The following ITPR2 variants were observed in gnomAD, a reference collection of about 807,000 sequenced individuals.
ITPR2 encodes inositol 1,4,5-trisphosphate receptor type 2.
In ITPR2, 207 loss-of-function variants were observed where a neutral mutation model predicts 317.1. The ratio of observed to expected loss-of-function variants is 0.65; its 90% CI spans 0.58 to 0.73. The LOEUF (loss-of-function observed/expected upper bound fraction) is 0.73, where lower values mean the gene tolerates loss of function less well. Ranked by LOEUF, ITPR2 falls within the 30% of genes least tolerant of loss-of-function variation. The pLI, the probability that ITPR2 is intolerant of heterozygous loss-of-function variation, is 0.00. For synonymous variants in ITPR2, 1,156 were observed against 1,149.1 expected, an observed-to-expected ratio of 1.01 and a Z score of -0.12; for missense variants, 2,613 against 3,284.0, an observed-to-expected ratio of 0.80 and a Z score of 4.99.
chr12:26,454,421 G>A (rs892964588), intron 45 of ITPR2, among the ~76,000 whole-genome samples: 1 of 152,114 alleles, frequency 6.6e-6, no homozygotes, highest in Non-Finnish European at 1.5e-5. Context: ...GGCCAGGATG[G>A]TCTCGAGATC....
At chr12:26,728,507 T>A (rs1948973447) in intron 2 of ITPR2, among the ~76,000 whole-genome samples, 1 of 152,214 alleles carries the variant, frequency 6.6e-6, no homozygotes, top group African/African-American at 2.4e-5. Flanking sequence ...GCATGGGAAC[T>A]AATCTTGCAG....
At chr12:26,823,832 A>G (rs1454238791) in intron 1 of ITPR2, among the ~76,000 whole-genome samples, 4 of 151,904 alleles carry the variant, frequency 2.6e-5, no homozygotes, top group Non-Finnish European at 5.9e-5. Context: ...TTAAATTTCA[A>G]TTACACACAC....
chr12:26,666,067 AAGGAAATT>A lies in ITPR2; in HGVS notation c.1410-24_1410-17del. ...GGTTACAAACCTATTACAAAATGAAAAGGAAATTTTACTTTACAGTGTGCTTAATTTTG... is the reference window on the plus strand; with the variant it reads ...GGTTACAAACCTATTACAAAATGAAATTACTTTACAGTGTGCTTAATTTTG... On this transcript the variant is annotated splice_polypyrimidine_tract_variant and intron_variant, in intron 13 of 56. Transcript: ENST00000381340. 1.2e-6 allele frequency: 2 copies of A among 1,603,162 alleles called. No homozygotes were observed. The highest frequency in any genetic ancestry group is 1.7e-6 in the Non-Finnish European group (2 of 1,175,534).
At chr12:26,416,419 A>G (rs59819193) in intron 50 of ITPR2, among the ~76,000 whole-genome samples, 9 of 152,142 alleles carry the variant, frequency 5.9e-5, no homozygotes, top group Non-Finnish European at 1.0e-4. Context: ...GTATTTTTAA[A>G]ATTGGAATAA....
At chr12:26,632,245 A>C (rs2136835805) in intron 21 of ITPR2, among the ~76,000 whole-genome samples, 186 bp from the exon 22 acceptor site, 1 of 152,342 alleles carries the variant, frequency 6.6e-6, no homozygotes, top group Non-Finnish European at 1.5e-5. Context: ...GACATGTTTC[A>C]AAATGACAAC....
Position 26,833,073 on chromosome 12 carries a change from C to A in ITPR2, c.-292G>T. ...TCCCCGGCAGGTTTCCTGTTCCTTTCTGAAGTTTTCTCTCCAACACCTTTG... is the reference window on the plus strand; with the variant it reads ...TCCCCGGCAGGTTTCCTGTTCCTTTATGAAGTTTTCTCTCCAACACCTTTG... On this transcript the variant is annotated 5_prime_UTR_variant, in exon 1 of 57. Coordinates refer to ENST00000381340, the MANE Select transcript of ITPR2 (RefSeq NM_002223.4). 2.5e-6 allele frequency: 1 copy of A among 399,734 alleles called. No individual in the cohort carries two copies. Among genetic ancestry groups the A allele is most frequent in the Non-Finnish European group, 4.4e-6 (1 of 225,816 alleles). 24.8% of individuals were successfully genotyped at this position (399,734 alleles called of 1,614,324 possible).
At chr12:26,605,808 C>A (rs1946116801) in intron 26 of ITPR2, among the ~76,000 whole-genome samples, 1 of 152,122 alleles carries the variant, frequency 6.6e-6, no homozygotes, top group South Asian at 2.1e-4. Flanking sequence ...TTGGAAAATT[C>A]AACAAACAAC....
intron 52 of ITPR2, among the ~76,000 whole-genome samples, chr12:26,409,974 T>G (rs184508440): frequency 2.6e-5 from 4 of 152,304 alleles, no homozygotes; most frequent in African/African-American, 9.6e-5. Flanking sequence ...GTTTATGACA[T>G]GACAGCTGAA....
intron 1 of ITPR2, among the ~76,000 whole-genome samples, chr12:26,821,091 A>G (rs749803346): frequency 5.3e-5 from 8 of 152,216 alleles, no homozygotes; most frequent in Admixed American, 2.0e-4. Flanking sequence ...AATGTCCTTA[A>G]TATCACTGAA....
At chr12:26,351,999 T>A (rs1479855224) in intron 55 of ITPR2, among the ~76,000 whole-genome samples, 1 of 152,140 alleles carries the variant, frequency 6.6e-6, no homozygotes, top group Non-Finnish European at 1.5e-5. Flanking sequence ...TGGAATAGGG[T>A]ATTGAATACT....
At chr12:26,767,967 T>C (rs963458148) in intron 2 of ITPR2, among the ~76,000 whole-genome samples, 1 of 152,194 alleles carries the variant, frequency 6.6e-6, no homozygotes, top group East Asian at 1.9e-4. Flanking sequence ...AAATAGGCTT[T>C]CTCTTGCTCC....
chr12:26,552,629 A>G (rs1404883958), intron 36 of ITPR2, among the ~76,000 whole-genome samples: 2 of 152,206 alleles, frequency 1.3e-5, no homozygotes, highest in Admixed American at 1.3e-4. Context: ...AAGAATTTCA[A>G]AAGTTCTCCT....
intron 2 of ITPR2, among the ~76,000 whole-genome samples, chr12:26,760,023 C>T (rs1447106880): frequency 6.6e-6 from 1 of 152,190 alleles, no homozygotes; most frequent in Non-Finnish European, 1.5e-5. Flanking sequence ...ATATAAAATG[C>T]TATAGTATTT....
At chr12:26,348,544 G>A (rs1218967633) in intron 55 of ITPR2, among the ~76,000 whole-genome samples, 1 of 152,316 alleles carries the variant, frequency 6.6e-6, no homozygotes, top group East Asian at 1.9e-4. Context: ...TACTGCTCAA[G>A]GTGGGCAACA....
intron 45 of ITPR2, among the ~76,000 whole-genome samples, chr12:26,453,208 T>G (rs16930749): frequency 0.046 from 6,944 of 152,268 alleles, 183 homozygotes; most frequent in Middle Eastern, 0.09. Context: ...GCTTGCTATT[T>G]TGTATTTTTC....
Position 26,486,286 on chromosome 12 carries a change from C to T in ITPR2, c.5629G>A (p.Ala1877Thr). The change falls in exon 41 of 57, where the codon GCA becomes ACA. Residue 1877 changes from alanine to threonine, a missense_variant. Coordinates refer to ENST00000381340, the MANE Select transcript of ITPR2 (RefSeq NM_002223.4). ...ATTTCTCTTCTGTATACACAATATG[C>T]TTTGGATGTTGCTGAAGAAGCTTCT... ...LTEASSATSK[A>T]YCVYRREMDP... is the part of the protein sequence containing the mutation. 6.2e-7 allele frequency: 1 copy of T among 1,613,804 alleles called. No homozygotes were observed. The highest frequency in any genetic ancestry group is 8.5e-7 in the Non-Finnish European group (1 of 1,179,796).
In ITPR2 at chr12:26,459,777, T is replaced by C. The variant is rs143894787; in HGVS notation, c.6342+15519A>G. On this transcript the variant is annotated intron_variant, in intron 45 of 56. Transcript: ENST00000381340. ...CATCTGCAATTTCAAACAGCATCTATATACCAATGTCTCCGTACATCTATG... is the reference window on the plus strand; with the variant it reads ...CATCTGCAATTTCAAACAGCATCTACATACCAATGTCTCCGTACATCTATG... 3.2e-3 allele frequency among the ~76,000 whole-genome samples: 482 copies of C among 152,316 alleles called. 5 individuals carry two copies. Among genetic ancestry groups the C allele is most frequent in the Middle Eastern group, 6.8e-3 (2 of 294 alleles).
intron 21 of ITPR2, among the ~76,000 whole-genome samples, chr12:26,644,544 A>G (rs888577116): frequency 6.6e-6 from 1 of 152,226 alleles, no homozygotes; most frequent in African/African-American, 2.4e-5. Context: ...GGGAGGCCTC[A>G]CAATCATGGC....
intron 2 of ITPR2, among the ~76,000 whole-genome samples, chr12:26,760,727 G>A (rs539714881): frequency 4.6e-5 from 7 of 152,296 alleles, no homozygotes; most frequent in South Asian, 2.1e-4. Context: ...GAATCCTGGC[G>A]AGAAAGACTA....
Sources: allele counts gnomAD v4.1 joint callset (sites outside exome capture counted in the v4.1 genomes callset), GRCh38; gene constraint gnomAD v4.1.1; transcripts MANE v1.5; gene names NCBI Gene and HGNC (gene_info 2026-07-23, HGNC 2026-07-21).